The following AMZ1 variants were observed in gnomAD, a reference collection of about 807,000 sequenced individuals.
The protein encoded by AMZ1 is archaemetzincin-1.
In AMZ1, 39 loss-of-function variants were observed where a neutral mutation model predicts 29.9. That is an observed-to-expected ratio of 1.30 (90% confidence interval 1.01 to 1.70). The LOEUF is 1.70. AMZ1 is among the 40% of genes most tolerant of loss of function. The pLI, the probability that AMZ1 is intolerant of heterozygous loss-of-function variation, is 0.00. For missense variants in AMZ1, 1,041 were observed against 680.6 expected (o/e 1.53, Z -5.89); for synonymous variants, 458 against 304.0 (o/e 1.51, Z -5.27).
intron 3 of AMZ1, among the ~76,000 whole-genome samples, chr7:2,703,127 G>A (rs1271219593): frequency 6.6e-6 from 1 of 152,184 alleles, no homozygotes; most frequent in African/African-American, 2.4e-5. Context: ...AGCATGCAGA[G>A]CAGGAGAAGC....
chr7:2,755,500 G>C (rs907313887), intron 4 of AMZ1, among the ~76,000 whole-genome samples: 2 of 152,190 alleles, frequency 1.3e-5, no homozygotes, highest in African/African-American at 2.4e-5. Flanking sequence ...TTTTTAAAAT[G>C]ACTGTTAATG....
chr7:2,717,233 A>T lies in AMZ1; in HGVS notation c.*4355A>T, dbSNP rs1789180647. On this transcript the variant is annotated 3_prime_UTR_variant, in exon 7 of 7. Transcript: ENST00000683327. The stretch of plus-strand genomic sequence containing the variant: ...GGCTTCACTGATTTGTTTTGTTTAT[A>T]AAAGGAGGGCGAGGCCTGCACAGGA... Among the ~76,000 whole-genome samples the T allele has an allele frequency of 6.6e-6, 1 of 152,174 alleles. No homozygotes were observed. Among genetic ancestry groups the T allele is most frequent in the South Asian group, 2.1e-4 (1 of 4,830 alleles).
intron 1 of AMZ1, among the ~76,000 whole-genome samples, chr7:2,693,547 TTTTTG>T (rs1034822008): frequency 5.9e-5 from 9 of 151,934 alleles, no homozygotes; most frequent in Middle Eastern, 3.4e-3. Flanking sequence ...ACCCAGCTAA[TTTTTG>T]TTTTGTTTTG....
intron 4 of AMZ1, among the ~76,000 whole-genome samples, chr7:2,735,005 G>C (rs1358795665): frequency 1.3e-5 from 2 of 152,190 alleles, no homozygotes; most frequent in African/African-American, 4.8e-5. Flanking sequence ...GAGGCCGGTG[G>C]GGCAGCCGCC....
intron 1 of AMZ1, among the ~76,000 whole-genome samples, chr7:2,691,358 G>A (rs1029812634): frequency 6.8e-6 from 1 of 148,128 alleles, no homozygotes; most frequent in Non-Finnish European, 1.5e-5. Context: ...CCCTGGGCAA[G>A]TGGCTTTCCC....
intron 4 of AMZ1, among the ~76,000 whole-genome samples, chr7:2,752,431 G>C (rs1005778996): frequency 3.3e-5 from 5 of 152,104 alleles, no homozygotes; most frequent in African/African-American, 9.7e-5. Flanking sequence ...AAGTTAGAAA[G>C]ACTAACAGCA....
chr7:2,757,904 C>CT (rs1791378810), intron 4 of AMZ1, among the ~76,000 whole-genome samples: 1 of 152,196 alleles, frequency 6.6e-6, no homozygotes, highest in Non-Finnish European at 1.5e-5. Context: ...TAGTGGTTCT[C>CT]TGACTCCTGT....
downstream of AMZ1, among the ~76,000 whole-genome samples, chr7:2,721,035 G>C (rs145377690): frequency 2.6e-5 from 4 of 152,228 alleles, no homozygotes; most frequent in Non-Finnish European, 4.4e-5. Flanking sequence ...CCTGCGGGCT[G>C]TCATCGCTGG....
chr7:2,710,083 CCTCT>C (rs1354601331), intron 6 of AMZ1, among the ~76,000 whole-genome samples: 1 of 152,198 alleles, frequency 6.6e-6, no homozygotes, highest in Non-Finnish European at 1.5e-5. Context: ...GGCTTTTCTC[CCTCT>C]GTCAGGAAGA....
chr7:2,712,462 G>T lies in AMZ1; in HGVS notation c.1081G>T (p.Gly361Cys). ...GTGCTGTGAGAGTGACTCGGAGCCCGGCACCAGTGTGTCGGAGCCCCTCAC... is the reference window on the plus strand; with the variant it reads ...GTGCTGTGAGAGTGACTCGGAGCCCTGCACCAGTGTGTCGGAGCCCCTCAC... ...GMCCESDSEP[G>C]TSVSEPLTPD... The change falls in exon 7 of 7, where the codon GGC becomes TGC. Residue 361 changes from glycine (G) to cysteine (C), a missense_variant. Coordinates refer to ENST00000683327, the MANE Select transcript of AMZ1 (RefSeq NM_001384743.1). 1.2e-6 allele frequency: 2 copies of T among 1,610,948 alleles called. No homozygotes were observed. The highest frequency in any genetic ancestry group is 1.7e-6 in the Non-Finnish European group (2 of 1,179,558).
rs138803282 is a variant in AMZ1, at chr7:2,689,786, C to T, written c.-219+1490C>T. 1.7e-3 allele frequency among the ~76,000 whole-genome samples: 257 copies of T among 152,292 alleles called. 1 individual carries two copies. The highest frequency in any genetic ancestry group is 5.2e-3 in the African/African-American group (218 of 41,558). ...CACTGTGACAGGGTCCAAAGGACAG[C>T]GAGAAACCTCCATCTGGGGGTCTCC... On this transcript the variant is annotated intron_variant, in intron 1 of 6. Transcript: ENST00000683327.
intron 6 of AMZ1, among the ~76,000 whole-genome samples, chr7:2,711,691 T>C (rs927841915): frequency 4.6e-5 from 7 of 152,116 alleles, no homozygotes; most frequent in African/African-American, 1.7e-4. Context: ...TGTGCTGGGA[T>C]TACAAGCGTG....
At chr7:2,734,561 C>T (rs1790063749) in intron 4 of AMZ1, among the ~76,000 whole-genome samples, 1 of 152,138 alleles carries the variant, frequency 6.6e-6, no homozygotes. Flanking sequence ...AAGCTCGTGG[C>T]GTTGTAAGGG....
chr7:2,726,428 G>C (rs1002914914), intron 4 of AMZ1, among the ~76,000 whole-genome samples: 1 of 152,212 alleles, frequency 6.6e-6, no homozygotes, highest in Non-Finnish European at 1.5e-5. Context: ...GGAGAAACCT[G>C]TATGAGTTGG....
At chr7:2,693,023 C>A (rs1787495432) in intron 1 of AMZ1, among the ~76,000 whole-genome samples, 8 of 152,206 alleles carry the variant, frequency 5.3e-5, no homozygotes, top group Admixed American at 5.2e-4. Flanking sequence ...CAATGGAGCC[C>A]ACTGTGATCA....
chr7:2,704,925 C>T (rs1788264041), intron 3 of AMZ1, among the ~76,000 whole-genome samples: 3 of 152,096 alleles, frequency 2.0e-5, no homozygotes, highest in Non-Finnish European at 4.4e-5. Flanking sequence ...GTCTCAGTTG[C>T]CTATGACACT....
intron 1 of AMZ1, among the ~76,000 whole-genome samples, chr7:2,688,650 C>T (rs955633690): frequency 8.5e-5 from 13 of 152,160 alleles, no homozygotes; most frequent in Non-Finnish European, 1.9e-4. Context: ...AATCCAGGGC[C>T]AAGCGCCCGA....
rs538873382 is a variant in AMZ1, at chr7:2,754,141, C to G, written n.551-10571C>G. On this transcript the variant is annotated intron_variant and non_coding_transcript_variant, in intron 4 of 4. Transcript: ENST00000489665. ...TCCTCACCAGCATTTGTTATTTTCACTATTTTCTATTGTATCTGTGTTAAT... is the reference window on the plus strand; with the variant it reads ...TCCTCACCAGCATTTGTTATTTTCAGTATTTTCTATTGTATCTGTGTTAAT... 2.6e-5 allele frequency among the ~76,000 whole-genome samples: 4 copies of G among 152,256 alleles called. No homozygotes were observed. The South Asian group carries it at 8.3e-4, about 32-fold the overall frequency.
chr7:2,704,372 C>T (rs909132694), intron 3 of AMZ1, among the ~76,000 whole-genome samples: 15 of 152,044 alleles, frequency 9.9e-5, no homozygotes, highest in African/African-American at 3.6e-4. Context: ...AGTGGTGGCA[C>T]ACATCTATAG....
Sources: allele counts gnomAD v4.1 joint callset (sites outside exome capture counted in the v4.1 genomes callset), GRCh38; gene constraint gnomAD v4.1.1; transcripts MANE v1.5; gene names NCBI Gene and HGNC (gene_info 2026-07-23, HGNC 2026-07-21).